ROCK1: variants seen among roughly 807,000 people sequenced by gnomAD.
The protein encoded by ROCK1 is Rho associated coiled-coil containing protein kinase 1.
ROCK1 carries 36 observed loss-of-function variants against 196.8 expected under a neutral mutation model. The observed-to-expected ratio is 0.18, with a 90% CI of 0.14 to 0.24. The LOEUF (loss-of-function observed/expected upper bound fraction) is 0.24, where lower values mean the gene tolerates loss of function less well. Ranked by LOEUF, ROCK1 falls within the 10% of genes least tolerant of loss-of-function variation. ROCK1 has a pLI of 1.00. For synonymous variants in ROCK1, 443 were observed against 515.9 expected, an observed-to-expected ratio of 0.86 and a Z score of 1.91; for missense variants, 920 against 1,562.0, an observed-to-expected ratio of 0.59 and a Z score of 6.93.
chr18:21,055,882 A>G (rs1254681133), intron 2 of ROCK1, among the ~76,000 whole-genome samples: 1 of 152,188 alleles, frequency 6.6e-6, no homozygotes, highest in African/African-American at 2.4e-5. Context: ...TTTCAAAACT[A>G]CTTGTCAAAG....
chr18:21,022,914 C>A (rs2035926316), intron 11 of ROCK1, among the ~76,000 whole-genome samples: 1 of 151,712 alleles, frequency 6.6e-6, no homozygotes, highest in Admixed American at 6.6e-5. Context: ...GCCTTAAACA[C>A]GAAGGAAATT....
chr18:20,986,166 T>A (rs1228397027), intron 19 of ROCK1, among the ~76,000 whole-genome samples: 1 of 152,102 alleles, frequency 6.6e-6, no homozygotes, highest in East Asian at 1.9e-4. Flanking sequence ...TGGCCACCCA[T>A]GGAAGTTTTA....
intron 1 of ROCK1, among the ~76,000 whole-genome samples, chr18:21,087,906 T>C (rs576263416): frequency 2.6e-5 from 4 of 152,320 alleles, no homozygotes; most frequent in Admixed American, 6.5e-5. Flanking sequence ...GACCACCACA[T>C]TGTGTGCCAT....
At chr18:20,966,628 T>C (rs2035376454) in intron 27 of ROCK1, among the ~76,000 whole-genome samples, 2 of 152,236 alleles carry the variant, frequency 1.3e-5, no homozygotes, top group African/African-American at 2.4e-5. Context: ...CAGCTTTGAC[T>C]CTCACTGTGG....
At chr18:21,065,584 C>A (rs559433228) in intron 2 of ROCK1, among the ~76,000 whole-genome samples, 28 of 152,196 alleles carry the variant, frequency 1.8e-4, no homozygotes, top group Middle Eastern at 3.4e-3. Context: ...TCACTGTTCC[C>A]AAATTTTCTC....
chr18:21,089,236 C>T (rs9966300), intron 1 of ROCK1, among the ~76,000 whole-genome samples: 151,013 of 152,160 alleles, frequency 0.99, 74,951 homozygotes, highest in East Asian at 1. Context: ...TTTTTTCTAT[C>T]TTTAGTAGAG....
rs1278727693 is a variant in ROCK1, at chr18:21,033,784, G to A, written c.1052-4849C>T. 6.1e-5 allele frequency among the ~76,000 whole-genome samples: 9 copies of A among 147,968 alleles called. No homozygotes were observed. In the South Asian group the frequency reaches 6.4e-4, roughly 11 times the overall value. On this transcript the variant is annotated intron_variant, in intron 9 of 32. Coordinates refer to ENST00000399799, the MANE Select transcript of ROCK1 (RefSeq NM_005406.3). ...CTGTAATCCCAGCACTTTGGGAGGCGGAGGTGGGCAGATCACGAGGTCAGG... is the reference window on the plus strand; with the variant it reads ...CTGTAATCCCAGCACTTTGGGAGGCAGAGGTGGGCAGATCACGAGGTCAGG...
At chr18:21,019,794 T>C (rs1273981996) in intron 12 of ROCK1, among the ~76,000 whole-genome samples, 2 of 144,082 alleles carry the variant, frequency 1.4e-5, no homozygotes, top group East Asian at 2.0e-4. Context: ...CGAGACTCCA[T>C]CTTAAAAAAA....
chr18:21,073,110 G>T (rs1053488193), intron 1 of ROCK1, among the ~76,000 whole-genome samples: 3 of 107,750 alleles, frequency 2.8e-5, no homozygotes, highest in Non-Finnish European at 6.0e-5. Flanking sequence ...CAAAAGTGGA[G>T]GAGAAAATAT....
At chr18:21,108,538 T>C (rs909682475) in intron 1 of ROCK1, among the ~76,000 whole-genome samples, 11 of 152,224 alleles carry the variant, frequency 7.2e-5, no homozygotes, top group African/African-American at 1.9e-4. Context: ...AGGCCTATTC[T>C]TCACAAGCAA....
intron 18 of ROCK1, among the ~76,000 whole-genome samples, chr18:20,989,457 G>C (rs972338213): frequency 3.3e-5 from 5 of 152,208 alleles, no homozygotes; most frequent in Non-Finnish European, 7.4e-5. Flanking sequence ...AGTAGGTTAA[G>C]AATAAGCAGA....
intron 2 of ROCK1, among the ~76,000 whole-genome samples, chr18:21,061,546 T>A (rs1250829390): frequency 6.6e-6 from 1 of 152,196 alleles, no homozygotes; most frequent in Non-Finnish European, 1.5e-5. Flanking sequence ...TATTGGGGTG[T>A]TGCAGACAAG....
rs1224028833 is a variant in ROCK1 at position 20,967,017 on chromosome 18, C to T, written c.3252G>A (p.Glu1084=). ...NELQMQLASK[E]SDIEQLRAKL... ...TAGCACGCAATTGCTCAATATCACT[C>T]TCTTTGCTGGCCAACTGCATCTGAA... is the stretch of plus-strand genomic sequence containing the variant. The change falls in exon 27 of 33, where the codon GAG becomes GAA. Residue 1084 remains glutamate (E), a synonymous_variant. Coordinates refer to ENST00000399799, the MANE Select transcript of ROCK1 (RefSeq NM_005406.3). 6.2e-7 allele frequency: 1 copy of T among 1,613,336 alleles called. No homozygotes were observed. Among genetic ancestry groups the T allele is most frequent in the Non-Finnish European group, 8.5e-7 (1 of 1,179,302 alleles).
At chr18:21,062,307 A>G (rs1598548667) in intron 2 of ROCK1, among the ~76,000 whole-genome samples, 1 of 152,138 alleles carries the variant, frequency 6.6e-6, no homozygotes, top group African/African-American at 2.4e-5. Context: ...GAACATGTCA[A>G]AGAACACAGG....
chr18:20,991,083 C>T (rs976275707), intron 18 of ROCK1, 93 bp downstream of exon 18: 6 of 934,550 alleles, frequency 6.4e-6, no homozygotes, highest in African/African-American at 5.0e-5. Context: ...ATACTTTCTA[C>T]GAGTTAAAGA....
At chr18:21,039,919 T>C (rs1436278960) in intron 8 of ROCK1, among the ~76,000 whole-genome samples, 1 of 152,004 alleles carries the variant, frequency 6.6e-6, no homozygotes, top group African/African-American at 2.4e-5. Context: ...CTAGCGGGTG[T>C]ACTGGAACAC....
chr18:21,031,662 A>G (rs1422290246), intron 9 of ROCK1, among the ~76,000 whole-genome samples: 4 of 151,612 alleles, frequency 2.6e-5, no homozygotes, highest in Admixed American at 6.6e-5. Flanking sequence ...GGAAACCAAG[A>G]TATTAGATTT....
chr18:21,067,957 C>A (rs1337425334), intron 2 of ROCK1, among the ~76,000 whole-genome samples: 1 of 152,190 alleles, frequency 6.6e-6, no homozygotes, highest in African/African-American at 2.4e-5. Context: ...CTGAACACCA[C>A]TGGTTGAAAG....
At chr18:21,072,905 T>C (rs2036397204) in intron 1 of ROCK1, among the ~76,000 whole-genome samples, 1 of 151,820 alleles carries the variant, frequency 6.6e-6, no homozygotes, top group African/African-American at 2.4e-5. Flanking sequence ...ACCCCATCTC[T>C]ACTAAAAATA....
Sources: gnomAD v4.1 joint callset for allele counts (sites outside exome capture counted in the v4.1 genomes callset) on GRCh38, gnomAD v4.1.1 for gene constraint, MANE v1.5 for transcripts, NCBI Gene and HGNC (gene_info 2026-07-23, HGNC 2026-07-21) for gene names.